The following MICU3 variants were observed in gnomAD, a reference collection of about 807,000 sequenced individuals.
MICU3 encodes mitochondrial calcium uptake 3, also known as calcium uptake protein 3, mitochondrial.
In MICU3, 62 loss-of-function variants were observed where a neutral mutation model predicts 66.5. The ratio of observed to expected loss-of-function variants is 0.93; its 90% confidence interval spans 0.76 to 1.15. MICU3 has a LOEUF of 1.15. MICU3 is among the 50% of genes most tolerant of loss of function. MICU3 has a pLI of 0.00. For synonymous variants in MICU3, 308 were observed against 240.7 expected (o/e 1.28, Z -2.59); for missense variants, 779 against 664.4 (o/e 1.17, Z -1.90).
intron 1 of MICU3, among the ~76,000 whole-genome samples, chr8:17,040,168 G>A (rs1411920671): frequency 1.3e-5 from 2 of 151,982 alleles, no homozygotes; most frequent in Non-Finnish European, 2.9e-5. Context: ...TCGGCCTCCC[G>A]AAGTGTTGGG....
At chr8:17,102,473 G>A (rs1801349102) in intron 9 of MICU3, 1 of 151,172 alleles carries the variant, frequency 6.6e-6, no homozygotes. Flanking sequence ...TTGTTGTTAT[G>A]GTTAGGATTA....
chr8:17,123,486 G>C (rs1043842336), downstream of MICU3, among the ~76,000 whole-genome samples: 8 of 152,006 alleles, frequency 5.3e-5, no homozygotes, highest in African/African-American at 1.9e-4. Flanking sequence ...ATGTAAAGAA[G>C]TGCAAGTTAA....
intron 1 of MICU3, among the ~76,000 whole-genome samples, chr8:17,037,857 G>A (rs1813316292): frequency 6.6e-6 from 1 of 152,188 alleles, no homozygotes; most frequent in Non-Finnish European, 1.5e-5. Flanking sequence ...CTGGATGTGA[G>A]ACATGGAGTC....
At chr8:17,040,604 A>G (rs1193611322) in intron 1 of MICU3, among the ~76,000 whole-genome samples, 1 of 152,242 alleles carries the variant, frequency 6.6e-6, no homozygotes, top group Non-Finnish European at 1.5e-5. Flanking sequence ...TAGCAAATGC[A>G]GAGATTATAT....
intron 9 of MICU3, 51 bp from the exon 10 acceptor site, chr8:17,104,340 A>T: frequency 1.1e-6 from 1 of 877,428 alleles, no homozygotes; most frequent in Non-Finnish European, 1.7e-6. Flanking sequence ...GGGTATCCCT[A>T]TTCTGTTTCT....
the MICU3 span, among the ~76,000 whole-genome samples, chr8:17,133,793 T>A: frequency 6.6e-6 from 1 of 152,158 alleles, no homozygotes; most frequent in Non-Finnish European, 1.5e-5. Context: ...AAATTATATT[T>A]TAAATATTTA....
Position 17,037,163 on chromosome 8 carries a change from C to T in MICU3, c.381+9503C>T, listed in dbSNP as rs183957282. Among the ~76,000 whole-genome samples, 664 of 152,216 alleles carry T rather than the reference C, an allele frequency of 4.4e-3. 5 individuals carry two copies. Among genetic ancestry groups the T allele is most frequent in the African/African-American group, 0.015 (617 of 41,580 alleles). On this transcript the variant is annotated intron_variant, in intron 1 of 14. Coordinates refer to ENST00000318063, the MANE Select transcript of MICU3 (RefSeq NM_181723.3). ...CCTGGAACTCCAGCTGGCCCACAAGCGCCACACGCAGCCCCAGTTCCTGCT... is the reference window on the plus strand; with the variant it reads ...CCTGGAACTCCAGCTGGCCCACAAGTGCCACACGCAGCCCCAGTTCCTGCT...
At chr8:17,076,865 T>C (rs7825273) in intron 3 of MICU3, among the ~76,000 whole-genome samples, 23,884 of 152,046 alleles carry the variant, frequency 0.16, 2,516 homozygotes, top group East Asian at 0.38. Context: ...CTCTGAGGAG[T>C]GGGTGTCAGA....
intron 1 of MICU3, among the ~76,000 whole-genome samples, chr8:17,036,859 G>A (rs1813094199): frequency 6.6e-6 from 1 of 152,228 alleles, no homozygotes; most frequent in African/African-American, 2.4e-5. Flanking sequence ...GGGCACCGTG[G>A]CGCAGGGGGT....
the MICU3 span, among the ~76,000 whole-genome samples, chr8:17,135,943 C>G: frequency 6.6e-6 from 1 of 152,002 alleles, no homozygotes; most frequent in Non-Finnish European, 1.5e-5. Flanking sequence ...TCAAATAGAT[C>G]ATTCTTTTCA....
intron 2 of MICU3, 94 bp from the exon 3 acceptor site, chr8:17,069,594 T>C (rs139785699): frequency 5.4e-4 from 375 of 699,556 alleles, no homozygotes; most frequent in Non-Finnish European, 7.8e-4. Flanking sequence ...CATAAAAGTT[T>C]GGTTATGAGT....
chr8:17,037,562 C>T (rs1225706123), intron 1 of MICU3, among the ~76,000 whole-genome samples: 1 of 152,170 alleles, frequency 6.6e-6, no homozygotes, highest in East Asian at 1.9e-4. Context: ...GGACAGAGCC[C>T]TCATGGAGAA....
intron 10 of MICU3, 117 bp downstream of exon 10, chr8:17,104,608 A>G: frequency 2.2e-6 from 1 of 448,928 alleles, no homozygotes; most frequent in Non-Finnish European, 3.9e-6. Flanking sequence ...TTTAAATAAG[A>G]TCCTCTGTAT....
Position 17,105,502 on chromosome 8 carries a change from C to T in MICU3, c.1175C>T (p.Ala392Val). 6.4e-7 allele frequency: 1 copy of T among 1,574,702 alleles called. No homozygotes were observed. The highest frequency in any genetic ancestry group is 8.7e-7 in the Non-Finnish European group (1 of 1,154,906). ...GMNTISEEDF[A>V]HILLRYTNVE... The stretch of plus-strand genomic sequence containing the variant: ...AATACCATCAGTGAAGAAGATTTTG[C>T]TCATATTCTTTTACGATATACAAAT... Residue 392 changes from alanine to valine, a missense_variant, in exon 11 of 15, where the codon GCT (alanine) becomes GTT (valine). By Grantham distance (64) the Ala-to-Val change is moderately conservative. Transcript: ENST00000318063.
chr8:17,036,328 G>A (rs555298018), intron 1 of MICU3, among the ~76,000 whole-genome samples: 2 of 152,292 alleles, frequency 1.3e-5, no homozygotes, highest in South Asian at 2.1e-4. Context: ...TGGACCCAAA[G>A]AGTGAGCAGT....
At chr8:17,098,617 C>G in intron 9 of MICU3, 64 bp downstream of exon 9, 2 of 1,092,156 alleles carry the variant, frequency 1.8e-6, no homozygotes. Flanking sequence ...GTCGTCATTT[C>G]ATTTTAGTCA....
At chr8:17,082,486 A>G (rs1181331322) in intron 5 of MICU3, among the ~76,000 whole-genome samples, 1 of 152,106 alleles carries the variant, frequency 6.6e-6, no homozygotes, top group Non-Finnish European at 1.5e-5. Flanking sequence ...TTCATATCAG[A>G]CTATTTGAAA....
At chr8:17,028,757 A>C (rs1359843113) in intron 1 of MICU3, among the ~76,000 whole-genome samples, 3 of 152,126 alleles carry the variant, frequency 2.0e-5, no homozygotes, top group Non-Finnish European at 4.4e-5. Context: ...TGAATATTCA[A>C]AATACTAGGA....
At chr8:17,085,164 A>G (rs1239033332) in intron 5 of MICU3, 72 bp from the exon 6 acceptor site, 3 of 979,090 alleles carry the variant, frequency 3.1e-6, no homozygotes, top group South Asian at 3.0e-5. Context: ...GTAACTTTAC[A>G]ACTAATATGG....
Sources: allele counts gnomAD v4.1 joint callset (sites outside exome capture counted in the v4.1 genomes callset), GRCh38; gene constraint gnomAD v4.1.1; transcripts MANE v1.5; gene names NCBI Gene and HGNC (gene_info 2026-07-23, HGNC 2026-07-21).